Variants in DLG2 observed in about 807,000 individuals in gnomAD.
The protein encoded by DLG2 is disks large homolog 2.
In DLG2, 45 loss-of-function variants were observed where a neutral mutation model predicts 132.5. That is an observed-to-expected ratio of 0.34 (90% CI 0.27 to 0.44). The LOEUF is 0.44. DLG2 is among the 20% of genes least tolerant of loss of function. The pLI is 1.00. For missense variants in DLG2, 1,045 were observed against 1,196.9 expected (o/e 0.87, Z 1.87); for synonymous variants, 424 against 419.6 (o/e 1.01, Z -0.13).
intron 17 of DLG2, among the ~76,000 whole-genome samples, chr11:83,792,763 A>G (rs1386817018): frequency 6.6e-6 from 1 of 152,150 alleles, no homozygotes; most frequent in Non-Finnish European, 1.5e-5. Flanking sequence ...ACAGCTAGGT[A>G]GCTTCATTAT....
At chr11:84,986,928 A>G (rs1052622428) in intron 6 of DLG2, among the ~76,000 whole-genome samples, 3 of 152,348 alleles carry the variant, frequency 2.0e-5, no homozygotes, top group Non-Finnish European at 2.9e-5. Flanking sequence ...CAGAAAAGAG[A>G]AAGAAATACA....
At chr11:83,482,106 G>C (rs2093166121) in intron 22 of DLG2, among the ~76,000 whole-genome samples, 1 of 152,016 alleles carries the variant, frequency 6.6e-6, no homozygotes, top group Admixed American at 6.6e-5. Context: ...ATTCCATATA[G>C]TAACTCAAAA....
chr11:85,145,083 T>G (rs1479189283), intron 5 of DLG2, among the ~76,000 whole-genome samples: 11 of 152,120 alleles, frequency 7.2e-5, no homozygotes. Context: ...CTATTTTCCC[T>G]GGATATGCTA....
chr11:84,183,680 C>A (rs1317926623), intron 8 of DLG2, among the ~76,000 whole-genome samples: 3 of 152,112 alleles, frequency 2.0e-5, no homozygotes, highest in African/African-American at 7.2e-5. Context: ...CACCCAGTAA[C>A]TCCTCATTTA....
intron 11 of DLG2, among the ~76,000 whole-genome samples, chr11:84,007,410 T>C (rs12805936): frequency 6.6e-6 from 1 of 151,704 alleles, no homozygotes; most frequent in Admixed American, 6.6e-5. Context: ...AAATCTATTT[T>C]ATTGCAACTA....
chr11:83,518,930 G>A (rs957466902), intron 21 of DLG2, among the ~76,000 whole-genome samples: 5 of 152,148 alleles, frequency 3.3e-5, no homozygotes, highest in African/African-American at 1.2e-4. Flanking sequence ...GGACTGAGGG[G>A]CTGCTCCATA....
intron 6 of DLG2, among the ~76,000 whole-genome samples, chr11:85,068,345 A>G (rs1387426574): frequency 6.6e-6 from 1 of 152,134 alleles, no homozygotes; most frequent in East Asian, 1.9e-4. Context: ...CAATTAGGAA[A>G]AGATGAAGTC....
intron 6 of DLG2, among the ~76,000 whole-genome samples, chr11:84,805,872 A>G (rs1003438240): frequency 1.3e-5 from 2 of 152,228 alleles, no homozygotes; most frequent in African/African-American, 2.4e-5. Context: ...ACAAATGCCA[A>G]TACCAAGGTG....
chr11:83,691,820 T>A, intron 18 of DLG2, among the ~76,000 whole-genome samples: 1 of 145,708 alleles, frequency 6.9e-6, no homozygotes, highest in African/African-American at 2.7e-5. Flanking sequence ...TACAATAATT[T>A]TTTCCTGGAC....
chr11:85,550,563 C>T (rs747949616), intron 3 of DLG2, among the ~76,000 whole-genome samples: 11 of 152,118 alleles, frequency 7.2e-5, no homozygotes, highest in East Asian at 1.9e-4. Context: ...CACTCATGCA[C>T]GCCAGTTCCC....
chr11:85,340,928 A>C (rs2082448858), intron 3 of DLG2, among the ~76,000 whole-genome samples: 1 of 152,114 alleles, frequency 6.6e-6, no homozygotes, highest in Non-Finnish European at 1.5e-5. Flanking sequence ...TTTGGAGTGA[A>C]CTTTTGTGTA....
chr11:85,394,715 C>A (rs2087130273), intron 3 of DLG2, among the ~76,000 whole-genome samples: 1 of 152,160 alleles, frequency 6.6e-6, no homozygotes, highest in Non-Finnish European at 1.5e-5. Flanking sequence ...CCTATTCTCA[C>A]AATCTAGGGT....
At chr11:84,858,301 T>C (rs1241250874) in intron 6 of DLG2, among the ~76,000 whole-genome samples, 2 of 151,812 alleles carry the variant, frequency 1.3e-5, no homozygotes, top group Non-Finnish European at 2.9e-5. Flanking sequence ...TATTAACAAG[T>C]AGAAAAGTGC....
chr11:85,071,966 A>G (rs1040763484), intron 6 of DLG2, among the ~76,000 whole-genome samples: 1 of 151,832 alleles, frequency 6.6e-6, no homozygotes, highest in Admixed American at 6.6e-5. Context: ...TCTTCATACA[A>G]TTCAGTCCAT....
intron 5 of DLG2, among the ~76,000 whole-genome samples, chr11:85,144,811 G>T (rs1352192993): frequency 6.6e-6 from 1 of 151,620 alleles, no homozygotes; most frequent in East Asian, 1.9e-4. Flanking sequence ...TATTATTTTT[G>T]ATTAGTTCTT....
chr11:84,757,518 T>C (rs1169090762), intron 6 of DLG2, among the ~76,000 whole-genome samples: 1 of 152,160 alleles, frequency 6.6e-6, no homozygotes. Flanking sequence ...TTTCTGTCCA[T>C]GTTGCCTGAG....
At chr11:85,180,838 G>T (rs745940480) in intron 4 of DLG2, among the ~76,000 whole-genome samples, 1 of 151,688 alleles carries the variant, frequency 6.6e-6, no homozygotes, top group Non-Finnish European at 1.5e-5. Context: ...CTGGAACTCA[G>T]TTTTTCTGTC....
chr11:85,262,342 C>A (rs1016886001), intron 4 of DLG2, among the ~76,000 whole-genome samples: 1 of 152,122 alleles, frequency 6.6e-6, no homozygotes, highest in African/African-American at 2.4e-5. Flanking sequence ...TGGAATGTAA[C>A]AAAAGCCCAC....
At chr11:84,070,328 G>T (rs2096737464) in intron 10 of DLG2, among the ~76,000 whole-genome samples, 1 of 152,094 alleles carries the variant, frequency 6.6e-6, no homozygotes, top group Non-Finnish European at 1.5e-5. Context: ...ACCAAAGCTA[G>T]CATCATTCAA....
Sources: allele counts gnomAD v4.1 joint callset (sites outside exome capture counted in the v4.1 genomes callset), GRCh38; gene constraint gnomAD v4.1.1; transcripts MANE v1.5; gene names NCBI Gene and HGNC (gene_info 2026-07-23, HGNC 2026-07-21).